Variants in ROR1 observed in about 807,000 individuals in gnomAD.
ROR1 encodes inactive tyrosine-protein kinase transmembrane receptor ROR1.
ROR1 carries 19 observed loss-of-function variants against 78.8 expected under a neutral mutation model. The observed-to-expected ratio is 0.24, with a 90% confidence interval of 0.17 to 0.35. The LOEUF (loss-of-function observed/expected upper bound fraction) is 0.35. Ranked by LOEUF, ROR1 falls within the 10% of genes least tolerant of loss-of-function variation. The pLI is 1.00. For synonymous variants in ROR1, 386 were observed against 433.6 expected, an observed-to-expected ratio of 0.89 and a Z score of 1.36; for missense variants, 917 against 1,177.8, an observed-to-expected ratio of 0.78 and a Z score of 3.24.
At position 63,963,998 on chromosome 1, in the gene ROR1, C is replaced by A. The variant is rs1646054540; in HGVS notation, c.92-45307C>A. Among the ~76,000 whole-genome samples, 5 of 152,314 alleles carry A rather than the reference C, an allele frequency of 3.3e-5. No individual in the cohort carries two copies. The South Asian group carries it at 1.0e-3, about 32-fold the overall frequency. On this transcript the variant is annotated intron_variant, in intron 1 of 8. Coordinates refer to ENST00000371079, the MANE Select transcript of ROR1 (RefSeq NM_005012.4). ...GACACACTTCCATTTATACTACTTA[C>A]TTTAATTTTAACTTTTTGGATACAT...
At chr1:64,109,831 C>A (rs937979256) in intron 4 of ROR1, among the ~76,000 whole-genome samples, 3 of 152,114 alleles carry the variant, frequency 2.0e-5, no homozygotes, top group African/African-American at 7.2e-5. Context: ...TTCAGGCCCT[C>A]CTGCCTTCCT....
intron 1 of ROR1, among the ~76,000 whole-genome samples, chr1:63,827,039 C>G (rs977553451): frequency 6.7e-6 from 1 of 150,186 alleles, no homozygotes; most frequent in African/African-American, 2.5e-5. Flanking sequence ...ATGGATGGTG[C>G]TGGAAGCCGT....
At chr1:63,865,667 A>G (rs1451460303) in intron 1 of ROR1, among the ~76,000 whole-genome samples, 2 of 152,224 alleles carry the variant, frequency 1.3e-5, no homozygotes, top group South Asian at 2.1e-4. Flanking sequence ...TAAGCACTTG[A>G]TAAATGATGC....
chr1:64,023,756 A>C (rs1336531975), intron 2 of ROR1, among the ~76,000 whole-genome samples: 2 of 152,194 alleles, frequency 1.3e-5, no homozygotes, highest in Non-Finnish European at 2.9e-5. Flanking sequence ...ACAAATTCGC[A>C]AGCATCTTTC....
At chr1:64,054,438 G>A (rs920685078) in intron 4 of ROR1, among the ~76,000 whole-genome samples, 1 of 152,120 alleles carries the variant, frequency 6.6e-6, no homozygotes, top group Admixed American at 6.6e-5. Context: ...CAACATGCCT[G>A]GTTGTAATTC....
intron 1 of ROR1, among the ~76,000 whole-genome samples, chr1:63,941,034 A>G (rs936460973): frequency 6.6e-6 from 1 of 152,328 alleles, no homozygotes; most frequent in Non-Finnish European, 1.5e-5. Flanking sequence ...TGTATTTGTC[A>G]TAGGCCAATG....
At chr1:64,173,826 T>C (rs1186448505) in intron 8 of ROR1, among the ~76,000 whole-genome samples, 1 of 152,212 alleles carries the variant, frequency 6.6e-6, no homozygotes, top group East Asian at 1.9e-4. Flanking sequence ...TTTGGCTGGC[T>C]TGCTTCCTTT....
intron 4 of ROR1, among the ~76,000 whole-genome samples, chr1:64,082,500 G>T (rs1647112218): frequency 6.6e-6 from 1 of 152,172 alleles, no homozygotes; most frequent in Non-Finnish European, 1.5e-5. Flanking sequence ...AGTCTTGTAT[G>T]AGTTGGGTTT....
chr1:64,107,454 A>C (rs1647869653), intron 4 of ROR1, among the ~76,000 whole-genome samples: 1 of 152,218 alleles, frequency 6.6e-6, no homozygotes, highest in Non-Finnish European at 1.5e-5. Context: ...TTCACAGGGT[A>C]ATCATCATAA....
At chr1:63,834,127 G>T (rs1645005925) in intron 1 of ROR1, among the ~76,000 whole-genome samples, 1 of 150,934 alleles carries the variant, frequency 6.6e-6, no homozygotes, top group African/African-American at 2.4e-5. Flanking sequence ...AGCTCTTGTA[G>T]TAAGAAAGAT....
intron 1 of ROR1, among the ~76,000 whole-genome samples, chr1:63,926,228 C>T (rs1645702438): frequency 6.7e-6 from 1 of 149,480 alleles, no homozygotes; most frequent in Non-Finnish European, 1.5e-5. Flanking sequence ...CAGCTTTCTA[C>T]ATATGGCTAG....
intron 1 of ROR1, among the ~76,000 whole-genome samples, chr1:63,790,120 C>A (rs940530930): frequency 6.6e-6 from 1 of 152,112 alleles, no homozygotes; most frequent in Non-Finnish European, 1.5e-5. Flanking sequence ...TCTTAAATAA[C>A]CTTCATTATA....
rs776674186 is a variant in ROR1, at chr1:64,137,508, C to T, written c.610+12C>T. ...AAATCAGATCACAGGTAGGTAGCAC[C>T]AATGAAATTATATTTGTCCCTTGAA... On this transcript the variant is annotated intron_variant, in intron 5 of 8. Transcript: ENST00000371079. The T allele has an allele frequency of 8.1e-6, 13 of 1,606,422 alleles. No individual in the cohort carries two copies. The highest frequency in any genetic ancestry group is 1.1e-5 in the Non-Finnish European group (13 of 1,176,548).
intron 4 of ROR1, among the ~76,000 whole-genome samples, chr1:64,115,588 A>G (rs11581764): frequency 0.095 from 14,136 of 149,408 alleles, 817 homozygotes; most frequent in Non-Finnish European, 0.13. Context: ...AACGATAAAT[A>G]AATAAGATAA....
chr1:64,133,720 T>C (rs551350963), intron 4 of ROR1, among the ~76,000 whole-genome samples: 1 of 152,342 alleles, frequency 6.6e-6, no homozygotes, highest in East Asian at 1.9e-4. Flanking sequence ...AATGCACTTT[T>C]CTTCTCCATT....
intron 1 of ROR1, among the ~76,000 whole-genome samples, chr1:63,777,657 G>A (rs1341834615): frequency 6.6e-6 from 1 of 152,278 alleles, no homozygotes. Context: ...CCCCCAGTTA[G>A]ACTTTTGGAA....
At chr1:63,856,999 T>C (rs1645152948) in intron 1 of ROR1, among the ~76,000 whole-genome samples, 1 of 152,170 alleles carries the variant, frequency 6.6e-6, no homozygotes, top group Admixed American at 6.5e-5. Context: ...AGATTTTGTT[T>C]CCTTGAGGAC....
At chr1:63,984,041 T>C (rs1646232119) in intron 1 of ROR1, among the ~76,000 whole-genome samples, 1 of 152,160 alleles carries the variant, frequency 6.6e-6, no homozygotes, top group Admixed American at 6.5e-5. Context: ...TACTGTACTT[T>C]TTTTCTATGT....
At chr1:63,973,810 A>T (rs1350499778) in intron 1 of ROR1, among the ~76,000 whole-genome samples, 1 of 152,228 alleles carries the variant, frequency 6.6e-6, no homozygotes, top group Non-Finnish European at 1.5e-5. Flanking sequence ...TAATGATAAT[A>T]ATGAACACAG....
Sources: allele counts gnomAD v4.1 joint callset (sites outside exome capture counted in the v4.1 genomes callset), GRCh38; gene constraint gnomAD v4.1.1; transcripts MANE v1.5; gene names NCBI Gene and HGNC (gene_info 2026-07-23, HGNC 2026-07-21).